RYR3: variants seen among roughly 807,000 people sequenced by gnomAD.
RYR3 encodes the protein brain ryanodine receptor-calcium release channel.
In RYR3, 207 loss-of-function variants were observed where a neutral mutation model predicts 584.3. The observed-to-expected ratio is 0.35, with a 90% CI of 0.32 to 0.40. The LOEUF is 0.40. Ranked by LOEUF, RYR3 falls within the 10% of genes least tolerant of loss-of-function variation. The pLI is 1.00. For missense variants in RYR3, 5,616 were observed against 6,089.2 expected (o/e 0.92, Z 2.59); for synonymous variants, 2,416 against 2,248.5 (o/e 1.07, Z -2.11).
At chr15:33,601,283 C>T (rs2437143) in intron 16 of RYR3, 136 bp from the exon 17 acceptor site, 507,801 of 802,560 alleles carry the variant, frequency 0.63, 163,203 homozygotes, top group East Asian at 0.93. Context: ...GGCAAAGCTT[C>T]CTTGGCTCTG....
chr15:33,662,213 G>A lies in RYR3; in HGVS notation c.4683G>A (p.Thr1561=), dbSNP rs771772947. The A allele has an allele frequency of 4.4e-5, 71 of 1,608,100 alleles. No homozygotes were observed. The highest frequency in any genetic ancestry group is 1.6e-4 in the East Asian group (7 of 44,696). Residue 1561 remains threonine, a synonymous_variant, in exon 35 of 104, where the codon ACG becomes ACA. Coordinates refer to ENST00000634891, the MANE Select transcript of RYR3 (RefSeq NM_001036.6). The part of the protein sequence containing the change: ...QEDLMRFHYH[T]LRLYSAVCAL... ...ACCTGATGCGGTTCCATTACCACAC[G>A]CTGAGGCTCTACAGCGCGGTGTGCG...
chr15:33,852,327 C>G (rs1175605361), intron 94 of RYR3: 1 of 152,124 alleles, frequency 6.6e-6, no homozygotes, highest in Non-Finnish European at 1.5e-5. Flanking sequence ...CTGAAGATGA[C>G]AGTTCTTTCT....
intron 1 of RYR3, among the ~76,000 whole-genome samples, chr15:33,337,517 A>G (rs1971262077): frequency 6.6e-6 from 1 of 151,970 alleles, no homozygotes. Context: ...TTAAGCCAAA[A>G]TCAAAGATTA....
rs1440827578 is a variant in RYR3, at chr15:33,419,812, T to G, written c.52-53607T>G. Among the ~76,000 whole-genome samples, 10 of 152,306 alleles carry G rather than the reference T, an allele frequency of 6.6e-5. No homozygotes were observed. In the South Asian group the frequency reaches 1.7e-3, roughly 25 times the overall value. The stretch of plus-strand genomic sequence containing the variant: ...AAGGAAAAAGTGATGCAGTGTGTAC[T>G]CATCAGTGAGGGCGCTGGTGTTGAT... On this transcript the variant is annotated intron_variant, in intron 1 of 103. Transcript: ENST00000634891.
Position 33,819,515 on chromosome 15 carries a change from T to C in RYR3, c.10707-241T>C, listed in dbSNP as rs577123678. On this transcript the variant is annotated intron_variant, in intron 76 of 103. Coordinates refer to ENST00000634891, the MANE Select transcript of RYR3 (RefSeq NM_001036.6). ...GGTGAAACCCCATCTCTACTAAAAA[T>C]ATAAAAAAGTTAGCTGGGCATGGTG... Among the ~76,000 whole-genome samples the C allele has an allele frequency of 1.5e-3, 231 of 151,420 alleles. 1 individual carries two copies. The highest frequency in any genetic ancestry group is 2.8e-3 in the Non-Finnish European group (191 of 67,832).
At chr15:33,343,312 C>T (rs971196018) in intron 1 of RYR3, among the ~76,000 whole-genome samples, 3 of 152,128 alleles carry the variant, frequency 2.0e-5, no homozygotes, top group African/African-American at 2.4e-5. Context: ...TCAAATGCAA[C>T]GTTAAAAAAA....
At chr15:33,697,751 T>G in intron 39 of RYR3, 131 bp from the exon 40 acceptor site, 1 of 607,414 alleles carries the variant, frequency 1.6e-6, no homozygotes, top group Non-Finnish European at 3.0e-6. Flanking sequence ...AACTAGTGCT[T>G]TCTTATTATC....
intron 1 of RYR3, among the ~76,000 whole-genome samples, chr15:33,384,343 T>C (rs2041414849): frequency 6.6e-6 from 1 of 151,876 alleles, no homozygotes; most frequent in East Asian, 1.9e-4. Context: ...GGGTTTTGCC[T>C]GAATTATCTG....
At chr15:33,556,942 A>G (rs1055732612) in intron 10 of RYR3, among the ~76,000 whole-genome samples, 3 of 152,090 alleles carry the variant, frequency 2.0e-5, no homozygotes, top group African/African-American at 4.8e-5. Flanking sequence ...CAAAATTTGT[A>G]TGAACCTAAA....
intron 1 of RYR3, among the ~76,000 whole-genome samples, chr15:33,472,288 C>T (rs1244463672): frequency 1.3e-5 from 2 of 152,200 alleles, no homozygotes; most frequent in African/African-American, 2.4e-5. Context: ...TGAATTGCTT[C>T]GCACTCTCAC....
At chr15:33,708,226 G>T (rs2066856600) in intron 43 of RYR3, among the ~76,000 whole-genome samples, 1 of 152,172 alleles carries the variant, frequency 6.6e-6, no homozygotes, top group African/African-American at 2.4e-5. Flanking sequence ...TAGGAGTAAA[G>T]CAAATTTGTG....
At chr15:33,519,428 C>T (rs2053796718) in intron 3 of RYR3, among the ~76,000 whole-genome samples, 1 of 152,106 alleles carries the variant, frequency 6.6e-6, no homozygotes, top group African/African-American at 2.4e-5. Context: ...GAAAGTCAAT[C>T]ACTGGTCCAA....
chr15:33,795,402 TG>T (rs1190685517), intron 67 of RYR3, among the ~76,000 whole-genome samples: 21,682 of 71,074 alleles, frequency 0.31, 2,490 homozygotes, highest in East Asian at 0.58. Flanking sequence ...TTTTTTTTTT[TG>T]TGAGACAGAG....
At chr15:33,382,878 G>A (rs2141208047) in intron 1 of RYR3, among the ~76,000 whole-genome samples, 1 of 152,158 alleles carries the variant, frequency 6.6e-6, no homozygotes, top group South Asian at 2.1e-4. Flanking sequence ...TTAATGACAA[G>A]AGTCGTTTCA....
intron 19 of RYR3, among the ~76,000 whole-genome samples, chr15:33,613,686 T>A (rs544074147): frequency 6.6e-6 from 1 of 152,374 alleles, no homozygotes; most frequent in African/African-American, 2.4e-5. Flanking sequence ...ACAATAGTTA[T>A]GAACAACACA....
chr15:33,560,598 G>T (rs560740373), intron 10 of RYR3, among the ~76,000 whole-genome samples: 1 of 152,154 alleles, frequency 6.6e-6, no homozygotes, highest in Non-Finnish European at 1.5e-5. Flanking sequence ...CAGTTGTGGT[G>T]TGCATAATTT....
chr15:33,313,342 C>T (rs548935222), intron 1 of RYR3, among the ~76,000 whole-genome samples: 4 of 152,128 alleles, frequency 2.6e-5, no homozygotes, highest in Non-Finnish European at 5.9e-5. Context: ...TGGCATTGAG[C>T]GTTACGCCAG....
intron 5 of RYR3, among the ~76,000 whole-genome samples, chr15:33,534,401 C>T (rs754553829): frequency 4.6e-5 from 7 of 151,932 alleles, no homozygotes; most frequent in South Asian, 2.1e-4. Flanking sequence ...GACTTCGTCT[C>T]GAAAGAAAAA....
intron 13 of RYR3, 29 bp downstream of exon 13, chr15:33,580,173 C>T (rs763123418): frequency 2.0e-6 from 3 of 1,533,000 alleles, no homozygotes; most frequent in African/African-American, 2.7e-5. Flanking sequence ...AGTTGAAATT[C>T]ACTTAGTGTC....
Sources: allele counts gnomAD v4.1 joint callset (sites outside exome capture counted in the v4.1 genomes callset), GRCh38; gene constraint gnomAD v4.1.1; transcripts MANE v1.5; gene names NCBI Gene and HGNC (gene_info 2026-07-23, HGNC 2026-07-21).